ULK2: variants seen among roughly 807,000 people sequenced by gnomAD.
The protein encoded by ULK2 is serine/threonine-protein kinase ULK2.
A neutral mutation model predicts 127.5 loss-of-function variants in ULK2; 76 were observed. The observed-to-expected ratio is 0.60, with a 90% confidence interval of 0.50 to 0.72. The LOEUF (loss-of-function observed/expected upper bound fraction) is 0.72. Among genes scored for constraint, ULK2 ranks in the 30% least tolerant of loss-of-function variants. The pLI is 0.00. For synonymous variants in ULK2, 452 were observed against 461.9 expected (o/e 0.98, Z 0.28); for missense variants, 1,144 against 1,295.9 (o/e 0.88, Z 1.80).
chr17:19,836,601 G>A (rs912572926), intron 10 of ULK2, among the ~76,000 whole-genome samples: 12 of 149,680 alleles, frequency 8.0e-5, no homozygotes, highest in Non-Finnish European at 1.3e-4. Context: ...GCAAAACTTC[G>A]TCTCGAAAAA....
chr17:19,812,152 C>T (rs1288320561), intron 13 of ULK2, among the ~76,000 whole-genome samples: 2 of 152,170 alleles, frequency 1.3e-5, no homozygotes, highest in Non-Finnish European at 2.9e-5. Flanking sequence ...AGCAGTACCA[C>T]ATACCTTTCA....
At position 19,867,524 on chromosome 17, in the gene ULK2, G is replaced by GCCCCA; in HGVS notation, c.-108_-107insTGGGG. The GCCCCA allele has an allele frequency of 1.4e-6, 1 of 716,992 alleles. No individual in the cohort carries two copies. The highest frequency in any genetic ancestry group is 1.9e-6 in the Non-Finnish European group (1 of 518,112). 44.4% of individuals were successfully genotyped at this position (716,992 alleles called of 1,614,324 possible). A position where few individuals can be genotyped will look rare whatever the true frequency, so the allele number is the denominator to read the frequency against. ...GAGCGCGCCAGCGTGCGGCGGGTCT[G>GCCCCA]GGGCAGCCGCAGCCCCGGGCCCGGG... On this transcript the variant is annotated 5_prime_UTR_variant, in exon 1 of 27. An upstream open reading frame in the 5' UTR loses its in-frame stop. Coordinates refer to ENST00000395544, the MANE Select transcript of ULK2 (RefSeq NM_014683.4).
intron 25 of ULK2, among the ~76,000 whole-genome samples, chr17:19,779,634 TTAGAG>T (rs974423770): frequency 1.3e-4 from 19 of 151,974 alleles, no homozygotes; most frequent in African/African-American, 4.1e-4. Flanking sequence ...TATTTATACT[TTAGAG>T]TAATTTTTCC....
chr17:19,803,041 T>C (rs981789100), intron 15 of ULK2, among the ~76,000 whole-genome samples: 1 of 152,238 alleles, frequency 6.6e-6, no homozygotes, highest in Non-Finnish European at 1.5e-5. Flanking sequence ...TTTTCCAACA[T>C]TCCAATTTTT....
chr17:19,785,923 C>T lies in ULK2; in HGVS notation c.2251+14G>A. 1 of 1,593,552 alleles carries T rather than the reference C, an allele frequency of 6.3e-7. No individual in the cohort carries two copies. The highest frequency in any genetic ancestry group is 1.8e-5 in the Admixed American group (1 of 56,098). The stretch of plus-strand genomic sequence containing the variant: ...ATACTAGCCAAAGACTGTAATATAA[C>T]AAATGCTCCTTACCTGAGGTTGTTC... On this transcript the variant is annotated intron_variant, in intron 21 of 26. Transcript: ENST00000395544.
chr17:19,773,287 CA>C lies in ULK2; in HGVS notation c.*3061del. The C allele has an allele frequency of 6.6e-6, 1 of 152,274 alleles. No homozygotes were observed. The highest frequency in any genetic ancestry group is 1.5e-5 in the Non-Finnish European group (1 of 68,058). The allele number at this position is 152,274 out of a possible 1,614,324, so 9.4% of individuals were successfully genotyped here. Reference sequence around the variant, plus strand: ...GTGACTCTGTCTCAAAACAAGCCAACAAAAAAATAATAAGGATTCTTCAGAT... The same window carrying C: ...GTGACTCTGTCTCAAAACAAGCCAACAAAAAATAATAAGGATTCTTCAGAT... On this transcript the variant is annotated 3_prime_UTR_variant, in exon 27 of 27. Coordinates refer to ENST00000395544, the MANE Select transcript of ULK2 (RefSeq NM_014683.4).
intron 7 of ULK2, among the ~76,000 whole-genome samples, chr17:19,843,719 C>T (rs940110563): frequency 2.0e-5 from 3 of 148,568 alleles, no homozygotes; most frequent in Admixed American, 6.8e-5. Flanking sequence ...AGTGCAGTGG[C>T]GTGATCTCGG....
In ULK2 at chr17:19,867,318, C is replaced by A; in HGVS notation, c.90+10G>T. 1 of 1,574,072 alleles carries A rather than the reference C, an allele frequency of 6.4e-7. No homozygotes were observed. The highest frequency in any genetic ancestry group is 1.4e-5 in the African/African-American group (1 of 71,840). On this transcript the variant is annotated intron_variant, in intron 1 of 26. Coordinates refer to ENST00000395544, the MANE Select transcript of ULK2 (RefSeq NM_014683.4). ...GCCCGGGGCCCGGCCTCGCCCCGGC[C>A]GGCGCTCACCTGGCGGTGCCGCCCC...
intron 13 of ULK2, among the ~76,000 whole-genome samples, chr17:19,814,883 C>T (rs2040947517): frequency 6.6e-6 from 1 of 152,056 alleles, no homozygotes; most frequent in African/African-American, 2.4e-5. Flanking sequence ...AGAAGTAACC[C>T]AACTATAAAT....
At chr17:19,795,578 T>C (rs2087250953) in intron 20 of ULK2, 44 bp downstream of exon 20, 1 of 1,508,718 alleles carries the variant, frequency 6.6e-7, no homozygotes, top group Non-Finnish European at 9.2e-7. Flanking sequence ...CAAATGCATA[T>C]GCTAGCAAAT....
At chr17:19,810,229 C>CAA (rs199922634) in intron 14 of ULK2, 149 bp downstream of exon 14, 11 of 350,794 alleles carry the variant, frequency 3.1e-5, no homozygotes, top group East Asian at 1.2e-4. Context: ...GACTCCATCT[C>CAA]AAAAAAAAAA....
At chr17:19,816,994 A>ATT in intron 12 of ULK2, 74 bp from the exon 13 acceptor site, 23 of 1,223,250 alleles carry the variant, frequency 1.9e-5, no homozygotes, top group South Asian at 3.6e-5. Context: ...AGACTAAGGA[A>ATT]TTTTTTTTTT....
At chr17:19,855,743 T>G (rs1389171793) in intron 3 of ULK2, 1 of 152,214 alleles carries the variant, frequency 6.6e-6, no homozygotes, top group African/African-American at 2.4e-5. Context: ...ACAGTCCAAG[T>G]GCCCAAGTCC....
intron 12 of ULK2, among the ~76,000 whole-genome samples, chr17:19,823,124 C>CTTTTTTTTTTTT (rs1407810407): frequency 7.6e-4 from 9 of 11,908 alleles, no homozygotes; most frequent in African/African-American, 3.8e-3. Flanking sequence ...GCACGCCTGG[C>CTTTTTTTTTTTT]TATTTTTTTT....
intron 12 of ULK2, among the ~76,000 whole-genome samples, chr17:19,818,089 G>A (rs1188896653): frequency 1.3e-5 from 2 of 152,052 alleles, no homozygotes; most frequent in Non-Finnish European, 2.9e-5. Flanking sequence ...TTGGGAGGCC[G>A]AGGCGGGCAG....
chr17:19,802,901 A>G (rs2087431000), intron 15 of ULK2, among the ~76,000 whole-genome samples: 1 of 152,234 alleles, frequency 6.6e-6, no homozygotes, highest in Non-Finnish European at 1.5e-5. Context: ...TGAGTTATGC[A>G]GATATTCCAA....
rs532883387 is a variant in ULK2, at chr17:19,794,439, G to A, written c.2101+1183C>T. Among the ~76,000 whole-genome samples the A allele has an allele frequency of 7.2e-5, 11 of 152,098 alleles. No homozygotes were observed. The South Asian group carries it at 2.1e-3, about 29-fold the overall frequency. On this transcript the variant is annotated intron_variant, in intron 20 of 26. Transcript: ENST00000395544. ...GGACCTAGGAAACAGAAAACACCAA[G>A]CAGAATGAATATGAAAAAATCTGCA... is the stretch of plus-strand genomic sequence containing the variant.
rs1187090319 is a variant in ULK2, at chr17:19,814,438, ATTTTTTT to A, written c.1096+2304_1096+2310del. Among the ~76,000 whole-genome samples the A allele has an allele frequency of 1.7e-4, 4 of 23,326 alleles. No individual in the cohort carries two copies. In the East Asian group the frequency reaches 2.2e-3, roughly 13 times the overall value. The allele number at this position is 23,326 out of a possible 152,430, so 15.3% of individuals were successfully genotyped here. A position where few individuals can be genotyped will look rare whatever the true frequency, so the allele number is the denominator to read the frequency against. Reference sequence around the variant, plus strand: ...TATATATATATATATATATATATATATTTTTTTTTTTTTTTTTTTTTTTTTGGAGACA... The same window carrying A: ...TATATATATATATATATATATATATATTTTTTTTTTTTTTTTTTGGAGACA... On this transcript the variant is annotated intron_variant, in intron 13 of 26. Coordinates refer to ENST00000395544, the MANE Select transcript of ULK2 (RefSeq NM_014683.4).
rs1325126400 is a variant in ULK2 at position 19,777,936 on chromosome 17, G to A, written c.2917-220C>T. ...GTCTGCTTTCAAACACAGCCTTCTG[G>A]TATTCAGAGGTATGCTTCATAAATT... On this transcript the variant is annotated intron_variant, in intron 25 of 26. Transcript: ENST00000395544. Among the ~76,000 whole-genome samples, 4 of 152,156 alleles carry A rather than the reference G, an allele frequency of 2.6e-5. No homozygotes were observed. In the East Asian group the frequency reaches 7.7e-4, roughly 29 times the overall value.
Sources: allele counts gnomAD v4.1 joint callset (sites outside exome capture counted in the v4.1 genomes callset), GRCh38; gene constraint gnomAD v4.1.1; transcripts MANE v1.5; gene names NCBI Gene and HGNC (gene_info 2026-07-23, HGNC 2026-07-21).